Variants in SLC22A5 observed in about 807,000 individuals in gnomAD.
SLC22A5 encodes the protein solute carrier family 22 member 5, also known as organic cation/carnitine transporter 2.
Under a neutral mutation model 56.7 loss-of-function variants are expected in SLC22A5, and 44 were observed. That is an observed-to-expected ratio of 0.78 (90% CI 0.61 to 1.00). The LOEUF (loss-of-function observed/expected upper bound fraction) is 1.00, where lower values mean the gene tolerates loss of function less well. SLC22A5 is among the 50% of genes least tolerant of loss of function. The pLI is 0.00. For missense variants in SLC22A5, 675 were observed against 723.0 expected (o/e 0.93, Z 0.76); for synonymous variants, 278 against 292.1 (o/e 0.95, Z 0.49).
chr5:132,384,772 G>A (rs1752464981), intron 3 of SLC22A5, among the ~76,000 whole-genome samples: 1 of 152,186 alleles, frequency 6.6e-6, no homozygotes, highest in Non-Finnish European at 1.5e-5. Flanking sequence ...AAATTGATAG[G>A]AAGGGGCTTT....
At chr5:132,371,894 G>A (rs138795787) in intron 1 of SLC22A5, among the ~76,000 whole-genome samples, 1 of 152,260 alleles carries the variant, frequency 6.6e-6, no homozygotes, top group Non-Finnish European at 1.5e-5. Flanking sequence ...GCTTACAGGG[G>A]CTCTGGAGAT....
intron 5 of SLC22A5, among the ~76,000 whole-genome samples, chr5:132,388,442 T>G (rs1752601956): frequency 6.6e-6 from 1 of 152,206 alleles, no homozygotes; most frequent in Non-Finnish European, 1.5e-5. Context: ...GTTTTTCTAT[T>G]TGAATTCTTT....
intron 5 of SLC22A5, among the ~76,000 whole-genome samples, chr5:132,388,251 G>A (rs1752596495): frequency 1.3e-5 from 2 of 152,166 alleles, no homozygotes; most frequent in East Asian, 1.9e-4. Context: ...CTATTTCAGG[G>A]GATACTTTCA....
chr5:132,386,883 C>T, intron 4 of SLC22A5, 142 bp from the exon 5 acceptor site: 1 of 900,686 alleles, frequency 1.1e-6, no homozygotes, highest in South Asian at 1.4e-5. Flanking sequence ...TGGATCAGCT[C>T]TTTGCTTCTG....
chr5:132,380,952 A>G (rs1752326903), intron 2 of SLC22A5: 1 of 150,036 alleles, frequency 6.7e-6, no homozygotes, highest in African/African-American at 2.5e-5. Context: ...GGGAGGGGGG[A>G]ACTGGGGGAG....
In SLC22A5 at chr5:132,388,906, ATGT is replaced by A. The variant is rs1380467695; in HGVS notation, c.952-10_952-8del. On this transcript the variant is annotated splice_polypyrimidine_tract_variant and intron_variant, in intron 5 of 9. Transcript: ENST00000245407. Reference sequence around the variant, plus strand: ...CACCTCTTCTTCCCATACACTTATGATGTTGTTCCTGCAGTTACAAGACCTAAG... The same window carrying A: ...CACCTCTTCTTCCCATACACTTATGATGTTCCTGCAGTTACAAGACCTAAG... 1 of 1,545,520 alleles carries A rather than the reference ATGT, an allele frequency of 6.5e-7. No individual in the cohort carries two copies. Among genetic ancestry groups the A allele is most frequent in the Non-Finnish European group, 8.9e-7 (1 of 1,117,456 alleles).
At chr5:132,390,658 C>A in intron 6 of SLC22A5, 32 bp from the exon 7 acceptor site, 1 of 1,499,724 alleles carries the variant, frequency 6.7e-7, no homozygotes, top group Non-Finnish European at 9.3e-7. Context: ...GTGGATACTG[C>A]TTTTCCAGCT....
At chr5:132,374,033 T>C (rs556587340) in intron 1 of SLC22A5, among the ~76,000 whole-genome samples, 1 of 152,144 alleles carries the variant, frequency 6.6e-6, no homozygotes, top group Admixed American at 6.5e-5. Flanking sequence ...CTGGCCAACA[T>C]GGTGAAACCT....
intron 2 of SLC22A5, chr5:132,383,028 A>G (rs1215625747): frequency 6.6e-6 from 1 of 152,234 alleles, no homozygotes; most frequent in Non-Finnish European, 1.5e-5. Flanking sequence ...GAGCACGGAT[A>G]CAGAAAACCA....
At position 132,394,409 on chromosome 5, in the gene SLC22A5, G is replaced by A. The variant is rs1752811069; in HGVS notation, c.*137G>A. The A allele has an allele frequency of 1.3e-6, 1 of 760,340 alleles. No individual in the cohort carries two copies. Among genetic ancestry groups the A allele is most frequent in the East Asian group, 2.5e-5 (1 of 40,330 alleles). 47.1% of individuals were successfully genotyped at this position (760,340 alleles called of 1,614,324 possible). On this transcript the variant is annotated 3_prime_UTR_variant, in exon 10 of 10. Coordinates refer to ENST00000245407, the MANE Select transcript of SLC22A5 (RefSeq NM_003060.4). ...CTTGACCTGTGTCTGACTTGCTCCT[G>A]GATGGGCACCCACACTCAGAGGCTA... is the stretch of plus-strand genomic sequence containing the variant.
intron 1 of SLC22A5, among the ~76,000 whole-genome samples, chr5:132,374,014 G>A (rs970827967): frequency 1.9e-4 from 29 of 151,934 alleles, no homozygotes; most frequent in African/African-American, 6.8e-4. Context: ...GCAGGAGTTC[G>A]AGACCAGCCT....
rs142447950 is a variant in SLC22A5, at chr5:132,384,254, T to C, written c.605T>C (p.Leu202Pro). The C allele has an allele frequency of 9.5e-5, 153 of 1,614,272 alleles. 1 individual carries two copies. In the Admixed American group the frequency reaches 1.5e-3, roughly 16 times the overall value. The change falls in exon 3 of 10, where the codon CTT becomes CCT. Residue 202 changes from leucine to proline, a missense_variant. By Grantham distance (98) the Leu-to-Pro change is moderately conservative. Coordinates refer to ENST00000245407, the MANE Select transcript of SLC22A5 (RefSeq NM_003060.4). ...GAGATGTTTGTCGTGCTGTTTGTCC[T>C]TGTAGGCATGGGCCAGATCTCCAAC... ...NFEMFVVLFV[L>P]VGMGQISNYV...
intron 4 of SLC22A5, among the ~76,000 whole-genome samples, 193 bp downstream of exon 4, chr5:132,385,692 G>A (rs1325972079): frequency 2.6e-5 from 4 of 152,282 alleles, no homozygotes; most frequent in Non-Finnish European, 4.4e-5. Flanking sequence ...GACAGCAACA[G>A]ACTTGCTCTC....
intron 7 of SLC22A5, among the ~76,000 whole-genome samples, chr5:132,391,963 G>A (rs914167584): frequency 6.6e-6 from 1 of 152,240 alleles, no homozygotes; most frequent in Non-Finnish European, 1.5e-5. Flanking sequence ...CATCAGCACA[G>A]CACAGAGAGA....
chr5:132,385,589 A>G, intron 4 of SLC22A5, 90 bp downstream of exon 4: 2 of 1,049,460 alleles, frequency 1.9e-6, no homozygotes, highest in South Asian at 2.6e-5. Context: ...ATGAATCCCT[A>G]TTTTGTCTCC....
chr5:132,377,952 C>A (rs1752204328), intron 1 of SLC22A5: 1 of 687,116 alleles, frequency 1.5e-6, no homozygotes, highest in Non-Finnish European at 2.4e-6. Flanking sequence ...ATGCTTTGGC[C>A]CGTAGAGCCC....
chr5:132,385,587 CT>C, intron 4 of SLC22A5, 88 bp downstream of exon 4: 1 of 1,055,812 alleles, frequency 9.5e-7, no homozygotes, highest in Non-Finnish European at 1.5e-6. Context: ...CCATGAATCC[CT>C]ATTTTGTCTC....
At chr5:132,386,598 A>G (rs996469791) in intron 4 of SLC22A5, among the ~76,000 whole-genome samples, 1 of 152,176 alleles carries the variant, frequency 6.6e-6, no homozygotes, top group Non-Finnish European at 1.5e-5. Context: ...GTGAGGAGAG[A>G]AGAGAAGCTA....
At chr5:132,378,147 C>T in intron 1 of SLC22A5, 1 of 1,562,472 alleles carries the variant, frequency 6.4e-7, no homozygotes, top group Non-Finnish European at 8.7e-7. Flanking sequence ...GCCTGTCTCT[C>T]CTCCTCAAAA....
Sources: gnomAD v4.1 joint callset for allele counts (sites outside exome capture counted in the v4.1 genomes callset) on GRCh38, gnomAD v4.1.1 for gene constraint, MANE v1.5 for transcripts, NCBI Gene and HGNC (gene_info 2026-07-23, HGNC 2026-07-21) for gene names.